The following FAF2 variants were observed in gnomAD, a reference collection of about 807,000 sequenced individuals.
FAF2 encodes the protein Fas associated factor family member 2, also known as FAS-associated factor 2.
Under a neutral mutation model 62.3 loss-of-function variants are expected in FAF2, and 9 were observed. That is an observed-to-expected ratio of 0.14 (90% CI 0.09 to 0.25). The LOEUF is 0.25. Among genes scored for constraint, FAF2 ranks in the 10% least tolerant of loss-of-function variants. The pLI, the probability that FAF2 is intolerant of heterozygous loss-of-function variation, is 1.00. For synonymous variants in FAF2, 202 were observed against 198.0 expected, an observed-to-expected ratio of 1.02 and a Z score of -0.17; for missense variants, 368 against 556.2, an observed-to-expected ratio of 0.66 and a Z score of 3.40.
At chr5:176,463,810 A>G (rs1376501901) in intron 1 of FAF2, among the ~76,000 whole-genome samples, 1 of 149,590 alleles carries the variant, frequency 6.7e-6, no homozygotes, top group African/African-American at 2.5e-5. Flanking sequence ...GCTCACTGCA[A>G]CCTCCGCCTC....
chr5:176,451,775 CGTGTGT>C (rs199639593), intron 1 of FAF2, among the ~76,000 whole-genome samples: 6 of 88,306 alleles, frequency 6.8e-5, no homozygotes, highest in Admixed American at 4.6e-4. Context: ...CATATATATA[CGTGTGT>C]GTGTGTATAT....
intron 1 of FAF2, among the ~76,000 whole-genome samples, chr5:176,455,221 G>C (rs115498957): frequency 0.015 from 2,248 of 152,238 alleles, 54 homozygotes; most frequent in African/African-American, 0.051. Flanking sequence ...ATCAGTATGG[G>C]TTATGCTAAA....
intron 1 of FAF2, among the ~76,000 whole-genome samples, chr5:176,462,595 G>C (rs1758397731): frequency 6.6e-6 from 1 of 152,180 alleles, no homozygotes; most frequent in Non-Finnish European, 1.5e-5. Context: ...CTGCACTCCA[G>C]CCTAACGACA....
intron 1 of FAF2, among the ~76,000 whole-genome samples, chr5:176,458,592 G>T (rs1250986133): frequency 6.6e-6 from 1 of 151,382 alleles, no homozygotes; most frequent in East Asian, 1.9e-4. Flanking sequence ...TTTAAGTAGA[G>T]ATGGGGTTTC....
intron 10 of FAF2, among the ~76,000 whole-genome samples, chr5:176,503,883 C>T (rs776576125): frequency 7.2e-5 from 11 of 152,060 alleles, no homozygotes; most frequent in Non-Finnish European, 1.5e-4. Flanking sequence ...AAATGCCGGC[C>T]GAGTGCGGTG....
chr5:176,486,723 T>G (rs1446674298), intron 3 of FAF2, among the ~76,000 whole-genome samples: 3 of 152,240 alleles, frequency 2.0e-5, no homozygotes, highest in Non-Finnish European at 4.4e-5. Flanking sequence ...TTTCTGCCTC[T>G]TAAGTTACAA....
Position 176,472,210 on chromosome 5 carries a change from T to G in FAF2, c.64-6978T>G, listed in dbSNP as rs533554744. On this transcript the variant is annotated intron_variant, in intron 1 of 10. Transcript: ENST00000261942. Reference sequence around the variant, plus strand: ...CAGTGGTGCTATCTCAGCTCACTGCTTTCTCAGCTCACTGCAACCTCCGTC... The same window carrying G: ...CAGTGGTGCTATCTCAGCTCACTGCGTTCTCAGCTCACTGCAACCTCCGTC... Among the ~76,000 whole-genome samples, 8 of 151,862 alleles carry G rather than the reference T, an allele frequency of 5.3e-5. No homozygotes were observed. In the South Asian group the frequency reaches 1.7e-3, roughly 32 times the overall value.
chr5:176,473,698 A>G (rs1758614196), intron 1 of FAF2, among the ~76,000 whole-genome samples: 1 of 152,214 alleles, frequency 6.6e-6, no homozygotes, highest in Non-Finnish European at 1.5e-5. Flanking sequence ...TATTTATATC[A>G]TGCGTATTTA....
In FAF2 at chr5:176,506,790, C is replaced by G. The variant is rs1426139219; in HGVS notation, c.1178C>G (p.Ser393Cys). ...SLTVIHDFLF[S>C]LKESPEKFQI... The stretch of plus-strand genomic sequence containing the variant: ...CAGGTAATCCACGACTTCTTATTCT[C>G]CTTGAAGGAAAGCCCAGAAAAGTTT... The change falls in exon 11 of 11, where the codon TCC becomes TGC. Residue 393 changes from serine (S) to cysteine (C), a missense_variant. Physicochemically the swap from Ser to Cys is moderately radical, Grantham distance 112 (BLOSUM62 -1). Around this residue, in one of 2 missense-constraint regions of FAF2, gnomAD observed 37 missense variants for 114.3 expected, o/e 0.32. Transcript: ENST00000261942. 3 of 1,613,658 alleles carry G rather than the reference C, an allele frequency of 1.9e-6. No homozygotes were observed. The African/African-American group carries it at 4.0e-5, about 22-fold the overall frequency.
In FAF2 at chr5:176,479,275, T is replaced by C; in HGVS notation, c.132+19T>C. 1 of 1,596,796 alleles carries C rather than the reference T, an allele frequency of 6.3e-7. No individual in the cohort carries two copies. Among genetic ancestry groups the C allele is most frequent in the Non-Finnish European group, 8.6e-7 (1 of 1,164,490 alleles). ...CATAGAGGTATAATAGGATGTGTTC[T>C]GAGCTTATTTCTTTTTCTCTGGTCT... On this transcript the variant is annotated intron_variant, in intron 2 of 10. Transcript: ENST00000261942.
At chr5:176,465,125 A>T (rs1758440700) in intron 1 of FAF2, among the ~76,000 whole-genome samples, 1 of 152,108 alleles carries the variant, frequency 6.6e-6, no homozygotes, top group Non-Finnish European at 1.5e-5. Flanking sequence ...TTCAGACCTC[A>T]AGTGATCTGG....
At chr5:176,470,985 ACAAAGG>A (rs1165008554) in intron 1 of FAF2, among the ~76,000 whole-genome samples, 1 of 152,200 alleles carries the variant, frequency 6.6e-6, no homozygotes, top group Non-Finnish European at 1.5e-5. Flanking sequence ...AAAATTTCTC[ACAAAGG>A]CAAATAGCTT....
At chr5:176,506,713 G>A (rs116128888) in intron 10 of FAF2, 55 bp from the exon 11 acceptor site, 5 of 1,227,626 alleles carry the variant, frequency 4.1e-6, no homozygotes, top group South Asian at 3.9e-5. Flanking sequence ...GTGCGTGTGT[G>A]TGTGTGTATT....
chr5:176,477,244 C>CTTT (rs61443027), intron 1 of FAF2, among the ~76,000 whole-genome samples: 1 of 78,400 alleles, frequency 1.3e-5, no homozygotes, highest in East Asian at 4.0e-4. Context: ...CGTGCCCGGC[C>CTTT]TTTTTTTTTT....
intron 1 of FAF2, among the ~76,000 whole-genome samples, chr5:176,471,250 A>G (rs1758562235): frequency 6.6e-6 from 1 of 152,078 alleles, no homozygotes; most frequent in African/African-American, 2.4e-5. Flanking sequence ...TGCCTTCTAC[A>G]ATTACTTCAT....
intron 8 of FAF2, among the ~76,000 whole-genome samples, chr5:176,497,498 C>G (rs1755516047): frequency 6.6e-6 from 1 of 152,128 alleles, no homozygotes; most frequent in Non-Finnish European, 1.5e-5. Flanking sequence ...AAGAATATAT[C>G]ACGGCCTTTT....
chr5:176,453,309 T>G (rs1160732150), intron 1 of FAF2: 1 of 152,214 alleles, frequency 6.6e-6, no homozygotes, highest in Non-Finnish European at 1.5e-5. Flanking sequence ...CTTGGTTTAC[T>G]GCCTCTAGGT....
At chr5:176,489,113 A>C (rs369098085) in intron 4 of FAF2, 86 bp downstream of exon 4, 1 of 916,190 alleles carries the variant, frequency 1.1e-6, no homozygotes, top group Non-Finnish European at 1.7e-6. Flanking sequence ...TGCTCTATCA[A>C]TGTTGACTTA....
At position 176,509,695 on chromosome 5, in the gene FAF2, C is replaced by T. The variant is rs896210885; in HGVS notation, c.*2745C>T. Reference sequence around the variant, plus strand: ...TGAATAAGAGATGGCCAGAGGATAACACTTGTCTCTTAAAAACTAAGCTAA... The same window carrying T: ...TGAATAAGAGATGGCCAGAGGATAATACTTGTCTCTTAAAAACTAAGCTAA... On this transcript the variant is annotated 3_prime_UTR_variant, in exon 11 of 11. Transcript: ENST00000261942. The T allele has an allele frequency of 6.6e-6, 1 of 152,616 alleles. No individual in the cohort carries two copies. The highest frequency in any genetic ancestry group is 2.4e-5 in the African/African-American group (1 of 41,454). The allele number at this position is 152,616 out of a possible 1,614,324, so 9.5% of individuals were successfully genotyped here.
Sources: gnomAD v4.1 joint callset for allele counts (sites outside exome capture counted in the v4.1 genomes callset) on GRCh38, gnomAD v4.1.1 for gene constraint, gnomAD v4.1.1 regional missense constraint, MANE v1.5 for transcripts, NCBI Gene and HGNC (gene_info 2026-07-23, HGNC 2026-07-21) for gene names.